DSG2: variants seen among roughly 807,000 people sequenced by gnomAD.
DSG2 encodes the protein desmoglein 2.
A neutral mutation model predicts 75.6 loss-of-function variants in DSG2; 45 were observed. That is an observed-to-expected ratio of 0.60 (90% confidence interval 0.47 to 0.76). The LOEUF is 0.76. DSG2 is among the 30% of genes least tolerant of loss of function. The pLI is 0.00. For missense variants in DSG2, 1,267 were observed against 1,357.4 expected, an observed-to-expected ratio of 0.93 and a Z score of 1.05; for synonymous variants, 429 against 483.9, an observed-to-expected ratio of 0.89 and a Z score of 1.49.
chr18:31,517,891 G>A (rs1039910464), intron 1 of DSG2, among the ~76,000 whole-genome samples: 9 of 152,146 alleles, frequency 5.9e-5, no homozygotes, highest in African/African-American at 2.2e-4. Flanking sequence ...TGGTGGCCTC[G>A]AGGAAAAGTA....
intron 1 of DSG2, among the ~76,000 whole-genome samples, chr18:31,517,589 T>G (rs2073101255): frequency 6.6e-6 from 1 of 152,238 alleles, no homozygotes; most frequent in Non-Finnish European, 1.5e-5. Context: ...TTTTTAAAAT[T>G]ATTATTTTAC....
At position 31,509,934 on chromosome 18, in the gene DSG2, AT is replaced by A. The variant is rs548226880; in HGVS notation, c.46-8303del. On this transcript the variant is annotated intron_variant, in intron 1 of 14. Coordinates refer to ENST00000261590, the MANE Select transcript of DSG2 (RefSeq NM_001943.5). ...TTTTATCTCATTTTATTTCTTTCAG[AT>A]TATTTCAGCCAAAGTTGAAAGCTCT... Among the ~76,000 whole-genome samples the A allele has an allele frequency of 2.5e-3, 382 of 152,352 alleles. 2 individuals carry two copies. Among genetic ancestry groups the A allele is most frequent in the South Asian group, 0.014 (70 of 4,830 alleles).
intron 14 of DSG2, 25 bp downstream of exon 14, chr18:31,542,877 TGGTGGGG>T: frequency 5.4e-5 from 28 of 514,876 alleles, no homozygotes; most frequent in Non-Finnish European, 7.7e-5. Flanking sequence ...TATGTATTGG[TGGTGGGG>T]GGTGGGGGGA....
intron 1 of DSG2, among the ~76,000 whole-genome samples, chr18:31,511,984 A>G (rs1329436821): frequency 6.6e-6 from 1 of 152,202 alleles, no homozygotes; most frequent in Non-Finnish European, 1.5e-5. Flanking sequence ...CTTTTGAGAG[A>G]AGAAAAGAAA....
At chr18:31,511,535 G>A (rs2073066910) in intron 1 of DSG2, among the ~76,000 whole-genome samples, 1 of 152,208 alleles carries the variant, frequency 6.6e-6, no homozygotes, top group Non-Finnish European at 1.5e-5. Context: ...CAAATAAACA[G>A]ACAGTTCCAC....
At chr18:31,534,636 G>C (rs2073218081) in intron 9 of DSG2, among the ~76,000 whole-genome samples, 1 of 148,988 alleles carries the variant, frequency 6.7e-6, no homozygotes, top group Non-Finnish European at 1.5e-5. Context: ...ACAGCCTCCT[G>C]AGGAGCTGGG....
chr18:31,530,244 A>G (rs118058602), intron 8 of DSG2, among the ~76,000 whole-genome samples: 3,299 of 152,262 alleles, frequency 0.022, 60 homozygotes, highest in Middle Eastern at 0.058. Flanking sequence ...TGTGTAATAT[A>G]TAGCTATATT....
intron 13 of DSG2, 91 bp downstream of exon 13, chr18:31,541,405 T>G: frequency 6.9e-7 from 1 of 1,455,820 alleles, no homozygotes; most frequent in Non-Finnish European, 9.5e-7. Flanking sequence ...GTTGAGTGAG[T>G]AAAGTGATCA....
chr18:31,510,146 C>G (rs1049430247), intron 1 of DSG2, among the ~76,000 whole-genome samples: 1 of 152,298 alleles, frequency 6.6e-6, no homozygotes, highest in South Asian at 2.1e-4. Context: ...TTTAAAGAAC[C>G]ACTGGCAAGT....
chr18:31,507,352 A>G (rs990099683), intron 1 of DSG2, among the ~76,000 whole-genome samples: 3 of 152,048 alleles, frequency 2.0e-5, no homozygotes, highest in African/African-American at 7.3e-5. Flanking sequence ...GTTGGTTCCA[A>G]GTTTTTGCTG....
intron 8 of DSG2, among the ~76,000 whole-genome samples, chr18:31,526,507 A>G (rs553084658): frequency 6.6e-6 from 1 of 152,346 alleles, no homozygotes; most frequent in African/African-American, 2.4e-5. Flanking sequence ...ATGTTTAAAG[A>G]GAAGAACTCA....
At chr18:31,524,934 G>C in intron 8 of DSG2, 46 bp downstream of exon 8, 2 of 1,563,020 alleles carry the variant, frequency 1.3e-6, no homozygotes, top group South Asian at 2.2e-5. Flanking sequence ...GTTGGTGCTG[G>C]AAAGGAATCT....
intron 8 of DSG2, among the ~76,000 whole-genome samples, chr18:31,527,449 CAA>C (rs1245549857): frequency 3.9e-5 from 6 of 152,026 alleles, no homozygotes. Context: ...TTATTTCTAT[CAA>C]GAGGGATGTG....
Position 31,498,270 on chromosome 18 carries a change from C to A in DSG2, c.19C>A (p.Arg7Ser). Reference protein sequence around the residue: MARSPGRAYALLLLLIC... With the variant: MARSPGSAYALLLLLIC... ...GGGTGCGATGGCGCGGAGCCCGGGA[C>A]GCGCGTACGCCCTGCTGCTTCTCCT... is the stretch of plus-strand genomic sequence containing the variant. Residue 7 changes from arginine to serine, a missense_variant, in exon 1 of 15, where the codon CGC becomes AGC. Transcript: ENST00000261590. The A allele has an allele frequency of 7.9e-7, 1 of 1,263,004 alleles. No individual in the cohort carries two copies. The highest frequency in any genetic ancestry group is 1.0e-6 in the Non-Finnish European group (1 of 999,868). 78.2% of individuals were successfully genotyped at this position (1,263,004 alleles called of 1,614,324 possible).
chr18:31,523,369 C>T (rs1430304274), intron 6 of DSG2, among the ~76,000 whole-genome samples: 2 of 152,106 alleles, frequency 1.3e-5, no homozygotes, highest in Non-Finnish European at 2.9e-5. Context: ...CCACTGCACT[C>T]CAGCCTGGGC....
At chr18:31,513,983 G>A (rs950618589) in intron 1 of DSG2, among the ~76,000 whole-genome samples, 13 of 152,114 alleles carry the variant, frequency 8.5e-5, no homozygotes, top group African/African-American at 2.2e-4. Context: ...CCTCAAAACC[G>A]TCAAGGTCAT....
intron 14 of DSG2, among the ~76,000 whole-genome samples, chr18:31,544,671 C>A (rs1298488511): frequency 6.6e-6 from 1 of 152,008 alleles, no homozygotes; most frequent in Non-Finnish European, 1.5e-5. Context: ...AACATTTTAC[C>A]AGACTAATTA....
At position 31,546,108 on chromosome 18, in the gene DSG2, A is replaced by G. The variant is rs778307914; in HGVS notation, c.2722A>G (p.Thr908Ala). The change falls in exon 15 of 15, where the codon ACT (threonine) becomes GCT (alanine). Residue 908 changes from threonine (T) to alanine (A), a missense_variant. Physicochemically the swap from Thr to Ala is moderately conservative, Grantham distance 58. Transcript: ENST00000261590. ...NAEKVTQEIV[T>A]ERSVSSRQAQ... is the part of the protein sequence containing the mutation. ...AGAGAAAGTAACTCAGGAAATAGTC[A>G]CTGAAAGATCTGTGTCTTCTAGGCA... 1.2e-6 allele frequency: 2 copies of G among 1,614,108 alleles called. No homozygotes were observed. The highest frequency in any genetic ancestry group is 1.3e-5 in the African/African-American group (1 of 74,930).
intron 1 of DSG2, among the ~76,000 whole-genome samples, chr18:31,508,679 C>A (rs1398622257): frequency 1.3e-5 from 2 of 152,176 alleles, no homozygotes; most frequent in Admixed American, 6.5e-5. Flanking sequence ...CAGGTGTGAG[C>A]TTACAGGCGT....
Sources: gnomAD v4.1 joint callset for allele counts (sites outside exome capture counted in the v4.1 genomes callset) on GRCh38, gnomAD v4.1.1 for gene constraint, MANE v1.5 for transcripts, NCBI Gene and HGNC (gene_info 2026-07-23, HGNC 2026-07-21) for gene names.